MAGI2: variants seen among roughly 807,000 people sequenced by gnomAD.
The protein encoded by MAGI2 is membrane-associated guanylate kinase, WW and PDZ domain-containing protein 2.
In MAGI2, 35 loss-of-function variants were observed where a neutral mutation model predicts 133.3. The ratio of observed to expected loss-of-function variants is 0.26; its 90% CI spans 0.20 to 0.35. The LOEUF is 0.35. Ranked by LOEUF, MAGI2 falls within the 10% of genes least tolerant of loss-of-function variation. The pLI is 1.00. For missense variants in MAGI2, 1,636 were observed against 1,863.4 expected (o/e 0.88, Z 2.25); for synonymous variants, 729 against 710.6 (o/e 1.03, Z -0.41).
intron 3 of MAGI2, among the ~76,000 whole-genome samples, chr7:78,578,119 G>C (rs934990425): frequency 6.6e-6 from 1 of 151,252 alleles, no homozygotes; most frequent in African/African-American, 2.4e-5. Flanking sequence ...AAATTTGGCA[G>C]GATATAATTA....
intron 7 of MAGI2, chr7:78,347,069 A>G (rs112440267): frequency 8.9e-4 from 135 of 152,344 alleles, no homozygotes; most frequent in Middle Eastern, 3.4e-3. Context: ...TTTGCTCTAA[A>G]TCACATGTCT....
intron 1 of MAGI2, among the ~76,000 whole-genome samples, chr7:79,123,466 C>T (rs1192435135): frequency 6.6e-6 from 1 of 152,068 alleles, no homozygotes; most frequent in Non-Finnish European, 1.5e-5. Context: ...ATAATACCTA[C>T]CCTATTGGCT....
chr7:78,859,136 T>C (rs1336054058), intron 2 of MAGI2, among the ~76,000 whole-genome samples: 2 of 152,196 alleles, frequency 1.3e-5, no homozygotes, highest in African/African-American at 4.8e-5. Flanking sequence ...TGTGTGTCTC[T>C]GCACGTGAGA....
At chr7:78,673,707 G>A (rs1563334747) in intron 2 of MAGI2, among the ~76,000 whole-genome samples, 2 of 152,026 alleles carry the variant, frequency 1.3e-5, no homozygotes, top group African/African-American at 2.4e-5. Context: ...GGCGGGGAGG[G>A]GGGCAGGCGG....
intron 1 of MAGI2, among the ~76,000 whole-genome samples, chr7:79,327,425 G>T (rs1028372054): frequency 6.6e-6 from 1 of 152,070 alleles, no homozygotes; most frequent in Non-Finnish European, 1.5e-5. Context: ...GGACACACAG[G>T]TTCCACTCAG....
chr7:79,201,904 A>T (rs1046341769), intron 1 of MAGI2, among the ~76,000 whole-genome samples: 1 of 152,012 alleles, frequency 6.6e-6, no homozygotes, highest in African/African-American at 2.4e-5. Flanking sequence ...TCTAAGACTC[A>T]TAGCATACTT....
intron 1 of MAGI2, among the ~76,000 whole-genome samples, chr7:79,100,736 T>G (rs1253217274): frequency 1.3e-5 from 2 of 151,906 alleles, no homozygotes; most frequent in African/African-American, 4.8e-5. Flanking sequence ...GCTGTTCATG[T>G]TAATTTAAGA....
chr7:79,286,538 A>G (rs1268895896), intron 1 of MAGI2, among the ~76,000 whole-genome samples: 1 of 152,094 alleles, frequency 6.6e-6, no homozygotes, highest in Non-Finnish European at 1.5e-5. Flanking sequence ...GCAAATTGAC[A>G]GCATAACTTT....
rs1486011041 is a variant in MAGI2, at chr7:78,421,795, C to A, written c.1046-52582G>T. ...CTCCAGCCTGGGTGATCAAGTGAGA[C>A]CCTGGTCTCAAAACAACAAAAACAT... On this transcript the variant is annotated intron_variant, in intron 6 of 21. Coordinates refer to ENST00000354212, the MANE Select transcript of MAGI2 (RefSeq NM_012301.4). Among the ~76,000 whole-genome samples the A allele has an allele frequency of 2.6e-5, 4 of 152,092 alleles. No homozygotes were observed. The East Asian group carries it at 5.8e-4, about 22-fold the overall frequency.
chr7:79,334,055 C>CCCAT (rs1263977639), intron 1 of MAGI2, among the ~76,000 whole-genome samples: 1 of 152,148 alleles, frequency 6.6e-6, no homozygotes, highest in Non-Finnish European at 1.5e-5. Flanking sequence ...CACCCAGCAA[C>CCCAT]CCATCCGTGT....
At chr7:79,411,779 T>A (rs1181099565) in intron 1 of MAGI2, 2 of 152,034 alleles carry the variant, frequency 1.3e-5, no homozygotes, top group Non-Finnish European at 2.9e-5. Flanking sequence ...GTGATTGAAG[T>A]CTTTTATTCC....
chr7:79,236,295 T>C (rs1303491626), intron 1 of MAGI2, among the ~76,000 whole-genome samples: 1 of 152,158 alleles, frequency 6.6e-6, no homozygotes, highest in Admixed American at 6.5e-5. Flanking sequence ...TAATTTCCTA[T>C]CCACAACCAA....
chr7:78,478,760 A>C (rs989349621), intron 6 of MAGI2, among the ~76,000 whole-genome samples: 1 of 151,946 alleles, frequency 6.6e-6, no homozygotes, highest in Non-Finnish European at 1.5e-5. Context: ...AACCACAGCA[A>C]ATGTGTAGGA....
Position 78,315,039 on chromosome 7 carries a change from C to T in MAGI2, c.1408+28739G>A, listed in dbSNP as rs1452130670. Among the ~76,000 whole-genome samples the T allele has an allele frequency of 2.0e-5, 3 of 152,250 alleles. No homozygotes were observed. In the East Asian group the frequency reaches 5.8e-4, roughly 29 times the overall value. Reference sequence around the variant, plus strand: ...CCAATATTTGTAATTTTGTGGTTCACAACTGTCCATTTGTATAACTTTAGA... The same window carrying T: ...CCAATATTTGTAATTTTGTGGTTCATAACTGTCCATTTGTATAACTTTAGA... On this transcript the variant is annotated intron_variant, in intron 9 of 21. Transcript: ENST00000354212.
chr7:78,888,496 C>T (rs147110581), intron 2 of MAGI2, among the ~76,000 whole-genome samples: 3,979 of 152,262 alleles, frequency 0.026, 76 homozygotes, highest in Middle Eastern at 0.051. Context: ...GGCAGAATGA[C>T]ACCTCACATG....
chr7:78,996,258 G>A (rs1806301087), intron 2 of MAGI2, among the ~76,000 whole-genome samples: 1 of 152,166 alleles, frequency 6.6e-6, no homozygotes, highest in Non-Finnish European at 1.5e-5. Context: ...AAGAGCTGAG[G>A]TAATGTGTGT....
intron 2 of MAGI2, among the ~76,000 whole-genome samples, chr7:78,719,120 C>G (rs981068244): frequency 1.3e-5 from 2 of 152,184 alleles, no homozygotes; most frequent in Admixed American, 6.5e-5. Context: ...CTCCAGCTTT[C>G]CAACATTCTG....
At chr7:79,273,236 C>A (rs1321308144) in intron 1 of MAGI2, among the ~76,000 whole-genome samples, 2 of 150,032 alleles carry the variant, frequency 1.3e-5, no homozygotes, top group Admixed American at 6.6e-5. Context: ...GATGGTAGGC[C>A]AAAAAAAAAT....
intron 3 of MAGI2, among the ~76,000 whole-genome samples, chr7:78,523,031 G>T (rs1158060673): frequency 6.7e-6 from 1 of 149,694 alleles, no homozygotes; most frequent in East Asian, 2.2e-4. Flanking sequence ...GCACTGCAAT[G>T]GAGGAGATAC....
Sources: allele counts gnomAD v4.1 joint callset (sites outside exome capture counted in the v4.1 genomes callset), GRCh38; gene constraint gnomAD v4.1.1; transcripts MANE v1.5; gene names NCBI Gene and HGNC (gene_info 2026-07-23, HGNC 2026-07-21).